Variants in SP2 observed in about 807,000 individuals in gnomAD.
SP2 encodes transcription factor Sp2.
A neutral mutation model predicts 50.1 loss-of-function variants in SP2; 9 were observed. That is an observed-to-expected ratio of 0.18 (90% CI 0.11 to 0.31). SP2 has a LOEUF of 0.31. Among genes scored for constraint, SP2 ranks in the 10% least tolerant of loss-of-function variants. The pLI is 1.00. For synonymous variants in SP2, 313 were observed against 326.6 expected (o/e 0.96, Z 0.45); for missense variants, 581 against 806.5 (o/e 0.72, Z 3.39).
downstream of SP2, among the ~76,000 whole-genome samples, chr17:47,931,346 C>CA (rs950964136): frequency 6.0e-5 from 9 of 150,978 alleles, no homozygotes; most frequent in South Asian, 2.1e-4. Flanking sequence ...GACTCTGTCT[C>CA]AAAAAAAAGA....
Position 47,916,250 on chromosome 17 carries a change from C to G in SP2, c.179C>G (p.Pro60Arg), listed in dbSNP as rs761359338. Residue 60 changes from proline to arginine, a missense_variant, in exon 3 of 7, where the codon CCA (proline) becomes CGA (arginine). By Grantham distance (103) the Pro-to-Arg change is moderately radical (BLOSUM62 -2). This residue lies in a region of SP2 where 397 missense variants were observed against 491.0 expected (regional missense o/e 0.81). Coordinates refer to ENST00000376741, the MANE Select transcript of SP2 (RefSeq NM_003110.6). This position sits in a 1 kb window ranked among gnomAD's most constrained non-coding sequence, Gnocchi z 4.7. ...VEAAVTPPAPPQPTPRKLVPI... is the reference protein window; with the variant it reads ...VEAAVTPPAPRQPTPRKLVPI... ...GCTGCTGTGACACCTCCTGCTCCCCCACAGCCCACACCGCGGAAACTTGTC... is the reference window on the plus strand; with the variant it reads ...GCTGCTGTGACACCTCCTGCTCCCCGACAGCCCACACCGCGGAAACTTGTC... 3.7e-6 allele frequency: 6 copies of G among 1,614,140 alleles called. No homozygotes were observed. Among genetic ancestry groups the G allele is most frequent in the South Asian group, 1.1e-5 (1 of 91,072 alleles).
intron 6 of SP2, 57 bp from the exon 7 acceptor site, chr17:47,927,667 G>T: frequency 8.1e-7 from 1 of 1,230,904 alleles, no homozygotes; most frequent in Non-Finnish European, 1.2e-6. Flanking sequence ...CACCTTTTTG[G>T]GCAGAGACAG....
rs1362303615 is a variant in SP2 at position 47,916,754 on chromosome 17, C to G, written c.683C>G (p.Pro228Arg). Residue 228 changes from proline (P) to arginine (R), a missense_variant, in exon 3 of 7, where the codon CCT becomes CGT. Transcript: ENST00000376741. This position sits in a 1 kb window ranked among gnomAD's most constrained non-coding sequence, Gnocchi z 4.7. ...GTGAACGCCAGTGACACCGGGGCCC[C>G]TACTCAGCTCCTCACTGAAAGCCCC... is the stretch of plus-strand genomic sequence containing the variant. ...NLVNASDTGA[P>R]TQLLTESPPT... is the part of the protein sequence containing the mutation. 6.2e-7 allele frequency: 1 copy of G among 1,613,260 alleles called. No homozygotes were observed. Among genetic ancestry groups the G allele is most frequent in the Admixed American group, 1.7e-5 (1 of 59,960 alleles).
At chr17:47,931,198 C>T (rs1271527235), downstream of SP2, among the ~76,000 whole-genome samples, 1 of 151,994 alleles carries the variant, frequency 6.6e-6, no homozygotes, top group Non-Finnish European at 1.5e-5. Context: ...TAATAATTAG[C>T]CGGGCGTGGT....
chr17:47,901,149 C>CT (rs201921974), intron 1 of SP2, among the ~76,000 whole-genome samples: 49,207 of 146,272 alleles, frequency 0.34, 8,280 homozygotes, highest in East Asian at 0.52. Context: ...CCTTCGTTAT[C>CT]TTTTTTTTTT....
intron 1 of SP2, chr17:47,897,700 TG>T: frequency 4.7e-6 from 1 of 210,598 alleles, no homozygotes; most frequent in Non-Finnish European, 8.2e-6. Flanking sequence ...GAAATAATGG[TG>T]GAGTCCAGAC....
intron 1 of SP2, chr17:47,897,842 A>G (rs1567685461): frequency 1.0e-6 from 1 of 985,144 alleles, no homozygotes; most frequent in Non-Finnish European, 1.2e-6. Flanking sequence ...CAACCTATCA[A>G]TTGGGCTGAT....
chr17:47,920,073 TG>T (rs1192066540), intron 3 of SP2, among the ~76,000 whole-genome samples: 2 of 151,970 alleles, frequency 1.3e-5, no homozygotes, highest in Admixed American at 1.3e-4. Flanking sequence ...ATTCTTTACT[TG>T]ACCATCATGA....
chr17:47,920,740 C>G (rs941790545), intron 3 of SP2, among the ~76,000 whole-genome samples: 2 of 152,146 alleles, frequency 1.3e-5, no homozygotes, highest in African/African-American at 2.4e-5. Context: ...GCTCTTATAT[C>G]CCTCTGACAG....
intron 1 of SP2, among the ~76,000 whole-genome samples, chr17:47,914,325 C>CG (rs1230825611): frequency 2.6e-5 from 4 of 151,004 alleles, no homozygotes; most frequent in Admixed American, 2.0e-4. Context: ...GAGCCAGGAT[C>CG]GTGCCATTGC....
chr17:47,923,664 A>G (rs2035545152), intron 4 of SP2, among the ~76,000 whole-genome samples: 2 of 152,234 alleles, frequency 1.3e-5, no homozygotes, highest in East Asian at 3.8e-4. Context: ...CAGCCTTGCA[A>G]ATAACCAAAG....
chr17:47,906,925 C>CT (rs2034787295), intron 1 of SP2, among the ~76,000 whole-genome samples: 1 of 151,952 alleles, frequency 6.6e-6, no homozygotes, highest in South Asian at 2.1e-4. Context: ...GGAAAGGGTG[C>CT]TGGGTGAGGA....
At position 47,917,049 on chromosome 17, in the gene SP2, G is replaced by A. The variant is rs200257728; in HGVS notation, c.978G>A (p.Ala326=). 3.7e-5 allele frequency: 59 copies of A among 1,613,928 alleles called. No homozygotes were observed. Among genetic ancestry groups the A allele is most frequent in the Non-Finnish European group, 4.9e-5 (58 of 1,180,012 alleles). Residue 326 remains alanine (A), a synonymous_variant, in exon 3 of 7, where the codon GCG becomes GCA. Transcript: ENST00000376741. ...IPQQALRVVQ[A]ASATLPTVPQ... is the part of the protein sequence containing the mutation. ...AGCAGGCTCTGCGGGTGGTGCAGGC[G>A]GCATCTGCCACCCTCCCCACTGTAC...
intron 1 of SP2, among the ~76,000 whole-genome samples, chr17:47,905,774 A>G (rs2034735766): frequency 6.6e-6 from 1 of 152,176 alleles, no homozygotes; most frequent in East Asian, 1.9e-4. Context: ...TAGCAGGGTC[A>G]CCTGCCCCAG....
At chr17:47,926,489 T>G (rs1271004829) in intron 6 of SP2, among the ~76,000 whole-genome samples, 1 of 151,940 alleles carries the variant, frequency 6.6e-6, no homozygotes, top group Non-Finnish European at 1.5e-5. Context: ...ATTTTAAAAT[T>G]TTTTTAGAGA....
intron 1 of SP2, among the ~76,000 whole-genome samples, chr17:47,912,940 A>G (rs779053903): frequency 6.6e-6 from 1 of 151,588 alleles, no homozygotes; most frequent in Non-Finnish European, 1.5e-5. Context: ...GCTCACTGCA[A>G]CCTCCACCTC....
At chr17:47,899,655 A>C (rs189473663) in intron 1 of SP2, 1 of 152,246 alleles carries the variant, frequency 6.6e-6, no homozygotes, top group Non-Finnish European at 1.5e-5. Flanking sequence ...AAGAACCTCC[A>C]CATGAGTTCA....
At chr17:47,897,447 A>T (rs1370350251) in intron 1 of SP2, 2 of 152,206 alleles carry the variant, frequency 1.3e-5, no homozygotes, top group African/African-American at 4.8e-5. Flanking sequence ...TTTCCTAGAG[A>T]AAGGTATGAG....
chr17:47,931,425 C>T (rs1375411815), downstream of SP2, among the ~76,000 whole-genome samples: 1 of 152,142 alleles, frequency 6.6e-6, no homozygotes, highest in Non-Finnish European at 1.5e-5. Flanking sequence ...GATGTTACAG[C>T]CTGCCACACG....
Sources: gnomAD v4.1 joint callset for allele counts (sites outside exome capture counted in the v4.1 genomes callset) on GRCh38, gnomAD v4.1.1 for gene constraint, gnomAD v4.1.1 regional missense constraint, Gnocchi (gnomAD v3.1) non-coding constraint, MANE v1.5 for transcripts, NCBI Gene and HGNC (gene_info 2026-07-23, HGNC 2026-07-21) for gene names.